GPHN: variants seen among roughly 807,000 people sequenced by gnomAD.
GPHN encodes gephyrin.
GPHN carries 17 observed loss-of-function variants against 95.5 expected under a neutral mutation model. The observed-to-expected ratio is 0.18, with a 90% CI of 0.12 to 0.27. GPHN has a LOEUF of 0.27. Ranked by LOEUF, GPHN falls within the 10% of genes least tolerant of loss-of-function variation. The pLI is 1.00. For synonymous variants in GPHN, 320 were observed against 322.5 expected (o/e 0.99, Z 0.08); for missense variants, 660 against 978.1 (o/e 0.67, Z 4.34).
chr14:66,818,996 G>C (rs772192472), intron 3 of GPHN, among the ~76,000 whole-genome samples: 1 of 152,126 alleles, frequency 6.6e-6, no homozygotes, highest in Non-Finnish European at 1.5e-5. Context: ...ACCTTTGTCA[G>C]ATGCATAGTT....
In GPHN at chr14:66,730,997, C is replaced by T. The variant is rs1406940350; in HGVS notation, c.144-45467C>T. Among the ~76,000 whole-genome samples, 6 of 152,212 alleles carry T rather than the reference C, an allele frequency of 3.9e-5. No individual in the cohort carries two copies. The East Asian group carries it at 5.8e-4, about 15-fold the overall frequency. On this transcript the variant is annotated intron_variant, in intron 2 of 22. Transcript: ENST00000478722. ...CTGTTCTCGTGATAGTGAGTTCTCA[C>T]GAGATCTGATGGTTTGATAAGGCAG...
At chr14:66,631,617 A>G (rs1238257133) in intron 1 of GPHN, among the ~76,000 whole-genome samples, 1 of 152,218 alleles carries the variant, frequency 6.6e-6, no homozygotes, top group African/African-American at 2.4e-5. Flanking sequence ...TGCAGAAGAC[A>G]GTATTGCCAT....
At chr14:66,727,113 A>T (rs1053788364) in intron 2 of GPHN, among the ~76,000 whole-genome samples, 1 of 152,064 alleles carries the variant, frequency 6.6e-6, no homozygotes, top group African/African-American at 2.4e-5. Flanking sequence ...GTCTCACAAG[A>T]TCTGATGGTT....
chr14:67,084,582 C>A lies in GPHN; in HGVS notation c.1145-4401C>A, dbSNP rs1462205486. On this transcript the variant is annotated intron_variant, in intron 11 of 22. Coordinates refer to ENST00000478722, the MANE Select transcript of GPHN (RefSeq NM_020806.5). ...ATCATCTCTATTTCTCTGTCTTTCTCTTTCTCTCATGCACTGTGCTTGTGA... is the reference window on the plus strand; with the variant it reads ...ATCATCTCTATTTCTCTGTCTTTCTATTTCTCTCATGCACTGTGCTTGTGA... 3.9e-5 allele frequency among the ~76,000 whole-genome samples: 6 copies of A among 152,200 alleles called. No individual in the cohort carries two copies. In the East Asian group the frequency reaches 1.2e-3, roughly 29 times the overall value.
At chr14:66,817,003 T>C (rs926430201) in intron 3 of GPHN, among the ~76,000 whole-genome samples, 1 of 152,146 alleles carries the variant, frequency 6.6e-6, no homozygotes, top group Admixed American at 6.5e-5. Flanking sequence ...ATGTTTTTTA[T>C]TGTTAAATAA....
At chr14:67,668,246 T>C in the GPHN span, among the ~76,000 whole-genome samples, 1 of 152,218 alleles carries the variant, frequency 6.6e-6, no homozygotes, top group Admixed American at 6.5e-5. Flanking sequence ...TAAGAAATTA[T>C]AGCACATTAT....
At chr14:66,977,581 A>G (rs1035315249) in intron 9 of GPHN, among the ~76,000 whole-genome samples, 8 of 152,196 alleles carry the variant, frequency 5.3e-5, no homozygotes, top group Admixed American at 5.2e-4. Flanking sequence ...TTTAATGTGT[A>G]TGGAAAATAA....
the GPHN span, among the ~76,000 whole-genome samples, chr14:67,284,905 AATTTTT>A: frequency 2.1e-4 from 32 of 152,130 alleles, 1 homozygote; most frequent in Non-Finnish European, 4.1e-4. Flanking sequence ...TAGGTTAAAA[AATTTTT>A]ATTTTTATTT....
At chr14:66,784,500 T>C (rs1014507523) in intron 3 of GPHN, among the ~76,000 whole-genome samples, 3 of 152,178 alleles carry the variant, frequency 2.0e-5, no homozygotes, top group African/African-American at 7.2e-5. Flanking sequence ...CAATAGATTG[T>C]ATTTTCTTAT....
chr14:67,172,593 A>C (rs2082660219), intron 21 of GPHN, among the ~76,000 whole-genome samples: 1 of 152,112 alleles, frequency 6.6e-6, no homozygotes, highest in South Asian at 2.1e-4. Context: ...TGTAGTACCC[A>C]CAACCCAGGG....
chr14:66,744,432 G>A (rs1002561160), intron 2 of GPHN, among the ~76,000 whole-genome samples: 8 of 152,174 alleles, frequency 5.3e-5, no homozygotes, highest in Non-Finnish European at 8.8e-5. Flanking sequence ...TGGCTTTGGT[G>A]AGGCACAACG....
Position 66,678,936 on chromosome 14 carries a change from G to T in GPHN, c.65-2171G>T, listed in dbSNP as rs544697766. On this transcript the variant is annotated intron_variant, in intron 1 of 22. Coordinates refer to ENST00000478722, the MANE Select transcript of GPHN (RefSeq NM_020806.5). ...TCCTGGCAACATGGATATTTGGTGG[G>T]CTTGTTCTTTGGCTCCTAAGGGTTG... 3.3e-5 allele frequency among the ~76,000 whole-genome samples: 5 copies of T among 152,312 alleles called. No individual in the cohort carries two copies. In the South Asian group the frequency reaches 8.3e-4, roughly 25 times the overall value.
chr14:67,325,873 AT>A, the GPHN span, among the ~76,000 whole-genome samples: 2 of 151,330 alleles, frequency 1.3e-5, no homozygotes, highest in Non-Finnish European at 2.9e-5. Flanking sequence ...CAGTGGCGTA[AT>A]CTTGGCTCAC....
chr14:67,464,093 T>G, the GPHN span, among the ~76,000 whole-genome samples: 6 of 151,892 alleles, frequency 4.0e-5, no homozygotes, highest in African/African-American at 1.2e-4. Flanking sequence ...TGTGTGTGTA[T>G]GTGAGACAGA....
At position 66,932,466 on chromosome 14, in the gene GPHN, T is replaced by TTTTG. The variant is rs1393015957; in HGVS notation, c.828+8177_828+8178insGTTT. 3.6e-4 allele frequency among the ~76,000 whole-genome samples: 49 copies of TTTTG among 134,426 alleles called. 1 individual carries two copies. The highest frequency in any genetic ancestry group is 7.0e-4 in the Non-Finnish European group (44 of 62,788). 88.2% of individuals were successfully genotyped at this position (134,426 alleles called of 152,430 possible). On this transcript the variant is annotated intron_variant, in intron 8 of 22. Transcript: ENST00000478722. ...CAGGTTTTTTTTTTTTTTTTTTTTT[T>TTTTG]TTTTTTTTTTTTTTCAGTGCAGCAG... is the stretch of plus-strand genomic sequence containing the variant.
chr14:66,847,055 C>T (rs2062370225), intron 4 of GPHN, among the ~76,000 whole-genome samples: 1 of 152,106 alleles, frequency 6.6e-6, no homozygotes, highest in South Asian at 2.1e-4. Flanking sequence ...TGCATTTAAA[C>T]TTGAGAGCAG....
the GPHN span, among the ~76,000 whole-genome samples, chr14:67,559,844 C>T: frequency 2.0e-5 from 3 of 152,204 alleles, no homozygotes; most frequent in South Asian, 4.1e-4. Flanking sequence ...GCTGAGACAC[C>T]GTAGTTCACT....
the GPHN span, chr14:67,279,689 T>C: frequency 5.9e-6 from 4 of 678,044 alleles, no homozygotes; most frequent in South Asian, 1.4e-4. Flanking sequence ...AAACGCCGTA[T>C]AACTATTGTT....
intron 1 of GPHN, among the ~76,000 whole-genome samples, chr14:66,680,097 G>A (rs2066853897): frequency 6.6e-6 from 1 of 152,020 alleles, no homozygotes; most frequent in Non-Finnish European, 1.5e-5. Flanking sequence ...ATCAAGTCTG[G>A]GTGGCAGCTT....
Sources: gnomAD v4.1 joint callset for allele counts (sites outside exome capture counted in the v4.1 genomes callset) on GRCh38, gnomAD v4.1.1 for gene constraint, MANE v1.5 for transcripts, NCBI Gene and HGNC (gene_info 2026-07-23, HGNC 2026-07-21) for gene names.